TANC2: variants seen among roughly 807,000 people sequenced by gnomAD.
The protein encoded by TANC2 is protein TANC2.
In TANC2, 26 loss-of-function variants were observed where a neutral mutation model predicts 210.5. The observed-to-expected ratio is 0.12, with a 90% CI of 0.09 to 0.17. The LOEUF is 0.17. Ranked by LOEUF, TANC2 falls within the 10% of genes least tolerant of loss-of-function variation. TANC2 has a pLI of 1.00. For synonymous variants in TANC2, 931 were observed against 967.1 expected, an observed-to-expected ratio of 0.96 and a Z score of 0.69; for missense variants, 2,129 against 2,608.9, an observed-to-expected ratio of 0.82 and a Z score of 4.01.
At chr17:63,075,174 AT>A (rs1479992788) in intron 3 of TANC2, among the ~76,000 whole-genome samples, 1 of 152,208 alleles carries the variant, frequency 6.6e-6, no homozygotes, top group Non-Finnish European at 1.5e-5. Context: ...TGATATAAAA[AT>A]GAGATTATGT....
chr17:63,223,232 C>G (rs1228541924), intron 7 of TANC2, among the ~76,000 whole-genome samples: 1 of 152,148 alleles, frequency 6.6e-6, no homozygotes, highest in East Asian at 1.9e-4. Context: ...TGAATTTGTT[C>G]ACTTTGATGC....
rs545109082 is a variant in TANC2 at position 62,986,730 on chromosome 17, A to G, written c.-24+19981A>G. 2.0e-5 allele frequency among the ~76,000 whole-genome samples: 3 copies of G among 152,236 alleles called. No individual in the cohort carries two copies. In the East Asian group the frequency reaches 5.8e-4, roughly 29 times the overall value. On this transcript the variant is annotated intron_variant, in intron 1 of 27. Transcript: ENST00000689528. ...CTGGAATGCAAGTGAACAGCTGCTCAGTGGAACTGGGGGTATGTCTGGCAA... is the reference window on the plus strand; with the variant it reads ...CTGGAATGCAAGTGAACAGCTGCTCGGTGGAACTGGGGGTATGTCTGGCAA...
Position 63,420,988 on chromosome 17 carries a change from G to A in TANC2, c.5258G>A (p.Gly1753Glu), listed in dbSNP as rs2049008377. Residue 1753 changes from glycine to glutamate, a missense_variant, in exon 28 of 28, where the codon GGG becomes GAG. Gly to Glu is a moderately conservative substitution (Grantham distance 98). Around this residue, in one of 5 missense-constraint regions of TANC2, gnomAD observed 584 missense variants for 627.3 expected, o/e 0.93. Transcript: ENST00000689528. The surrounding 1 kb of genome is among the most constrained non-coding windows in gnomAD (Gnocchi z 4.2). ...CAAGGGTCAATTGGGGGAATCGTAG[G>A]GGATGGAAGGCCGGTGCAGCATGTC... 1.2e-6 allele frequency: 2 copies of A among 1,613,866 alleles called. No individual in the cohort carries two copies. The highest frequency in any genetic ancestry group is 1.3e-5 in the African/African-American group (1 of 74,932).
At chr17:63,405,913 G>A (rs1401953626) in intron 20 of TANC2, among the ~76,000 whole-genome samples, 2 of 152,218 alleles carry the variant, frequency 1.3e-5, no homozygotes, top group Admixed American at 1.3e-4. Flanking sequence ...CCTTTGTTAA[G>A]TTCTTTTTTA....
At chr17:63,104,688 T>C (rs936280786) in intron 4 of TANC2, among the ~76,000 whole-genome samples, 3 of 152,206 alleles carry the variant, frequency 2.0e-5, no homozygotes, top group East Asian at 1.9e-4. Flanking sequence ...CATACACACA[T>C]GCATGCGTTT....
In TANC2 at chr17:63,421,341, A is replaced by G; in HGVS notation, c.5611A>G (p.Asn1871Asp). The G allele has an allele frequency of 6.2e-7, 1 of 1,614,032 alleles. No individual in the cohort carries two copies. Among genetic ancestry groups the G allele is most frequent in the East Asian group, 2.2e-5 (1 of 44,888 alleles). The change falls in exon 28 of 28, where the codon AAT becomes GAT. Residue 1871 changes from asparagine to aspartate, a missense_variant. Asn to Asp is a conservative substitution (Grantham distance 23, BLOSUM62 1). This residue lies in a region of TANC2 where 584 missense variants were observed against 627.3 expected (regional missense o/e 0.93). Coordinates refer to ENST00000689528, the Ensembl canonical transcript of TANC2. The surrounding 1 kb of genome is among the most constrained non-coding windows in gnomAD (Gnocchi z 6.9). ...AGGCCTTCGCTTCTCTCCATCTAGC[A>G]ATAGTATCTCCTCCACCTCCAACCT...
At chr17:63,388,815 TAGA>T (rs1419189208) in intron 16 of TANC2, 58 bp downstream of exon 16, 3 of 1,328,186 alleles carry the variant, frequency 2.3e-6, no homozygotes, top group Non-Finnish European at 3.0e-6. Flanking sequence ...AAAATAAAAC[TAGA>T]AGGACATTAA....
exon 6 of TANC2, chr17:63,194,022 A>G (rs773770753): frequency 1.2e-6 from 2 of 1,613,108 alleles, no homozygotes; most frequent in African/African-American, 1.3e-5. Flanking sequence ...GCCCCCCTCC[A>G]TCTGTAGATG....
At chr17:63,033,854 C>T (rs2034869756) in intron 2 of TANC2, among the ~76,000 whole-genome samples, 1 of 152,126 alleles carries the variant, frequency 6.6e-6, no homozygotes, top group Non-Finnish European at 1.5e-5. Context: ...CATGACCATC[C>T]AGTGGTAATT....
intron 5 of TANC2, among the ~76,000 whole-genome samples, chr17:63,155,951 A>G (rs2039821228): frequency 1.3e-5 from 2 of 151,932 alleles, no homozygotes; most frequent in Admixed American, 1.3e-4. Flanking sequence ...TCTTTTCCCA[A>G]CTCCTGTATA....
rs913769112 is a variant in TANC2, at chr17:63,398,851, A to G, written c.3268A>G (p.Lys1090Glu). The G allele has an allele frequency of 4.4e-6, 7 of 1,594,680 alleles. No homozygotes were observed. Among genetic ancestry groups the G allele is most frequent in the Non-Finnish European group, 6.0e-6 (7 of 1,169,910 alleles). ...CTCCTACCTACTTGATCTTCCAGAA[A>G]AAGATGAAGAGGAAGTAGAGCGAGC... Residue 1090 changes from lysine (K) to glutamate (E), a missense_variant, in exon 19 of 28, where the codon AAA becomes GAA. Physicochemically the swap from Lys to Glu is moderately conservative, Grantham distance 56 (BLOSUM62 1). Coordinates refer to ENST00000689528, the Ensembl canonical transcript of TANC2.
At chr17:63,124,790 C>T (rs1173671616) in intron 4 of TANC2, among the ~76,000 whole-genome samples, 2 of 152,184 alleles carry the variant, frequency 1.3e-5, no homozygotes, top group Non-Finnish European at 2.9e-5. Context: ...TCAGCAGAGG[C>T]ACTAGATTCT....
intron 8 of TANC2, among the ~76,000 whole-genome samples, chr17:63,246,885 A>G (rs2042933828): frequency 6.6e-6 from 1 of 152,156 alleles, no homozygotes; most frequent in Non-Finnish European, 1.5e-5. Context: ...AAGAAATGCA[A>G]AAATGTTTTT....
intron 8 of TANC2, among the ~76,000 whole-genome samples, chr17:63,261,498 A>T (rs1302189534): frequency 6.6e-6 from 1 of 152,162 alleles, no homozygotes; most frequent in African/African-American, 2.4e-5. Context: ...TTCTGTGGAG[A>T]TTAGACCCAG....
At chr17:62,977,229 G>A (rs1056208864) in intron 1 of TANC2, among the ~76,000 whole-genome samples, 4 of 152,072 alleles carry the variant, frequency 2.6e-5, no homozygotes, top group Non-Finnish European at 2.9e-5. Context: ...TATTTCTGTA[G>A]CACTTTGTCA....
At chr17:63,158,180 C>G (rs571656390) in intron 5 of TANC2, among the ~76,000 whole-genome samples, 1 of 152,182 alleles carries the variant, frequency 6.6e-6, no homozygotes, top group African/African-American at 2.4e-5. Context: ...GGCTGTGCTA[C>G]TTTATTAGCT....
intron 2 of TANC2, among the ~76,000 whole-genome samples, chr17:63,072,276 A>G (rs2036423563): frequency 6.6e-6 from 1 of 152,102 alleles, no homozygotes; most frequent in Non-Finnish European, 1.5e-5. Flanking sequence ...TTTACTTAGA[A>G]TTTGATATAC....
intron 2 of TANC2, among the ~76,000 whole-genome samples, chr17:63,053,723 A>C (rs777962521): frequency 2.0e-5 from 3 of 152,212 alleles, no homozygotes. Flanking sequence ...TGAACTCCGC[A>C]TAGTCTCCTC....
Position 63,037,799 on chromosome 17 carries a change from C to T in TANC2, c.67+28173C>T, listed in dbSNP as rs572638565. ...ACTGTGTTCCAGCTGGGCGGCAGAC[C>T]GAGACTCCATCTCAAAAAATAAAAT... On this transcript the variant is annotated intron_variant, in intron 2 of 27. Coordinates refer to ENST00000689528, the Ensembl canonical transcript of TANC2. Among the ~76,000 whole-genome samples the T allele has an allele frequency of 7.2e-5, 11 of 151,846 alleles. No individual in the cohort carries two copies. The South Asian group carries it at 1.3e-3, about 17-fold the overall frequency.
Sources: allele counts gnomAD v4.1 joint callset (sites outside exome capture counted in the v4.1 genomes callset), GRCh38; gene constraint gnomAD v4.1.1; regional missense constraint gnomAD v4.1.1; non-coding constraint Gnocchi (gnomAD v3.1); transcripts MANE v1.5; gene names NCBI Gene and HGNC (gene_info 2026-07-23, HGNC 2026-07-21).